The following CACNA1D variants were observed in gnomAD, a reference collection of about 807,000 sequenced individuals.
CACNA1D encodes the protein voltage-dependent L-type calcium channel subunit alpha-1D.
CACNA1D carries 55 observed loss-of-function variants against 257.1 expected under a neutral mutation model. The ratio of observed to expected loss-of-function variants is 0.21; its 90% CI spans 0.17 to 0.27. The LOEUF is 0.27. CACNA1D is among the 10% of genes least tolerant of loss of function. The pLI is 1.00. For synonymous variants in CACNA1D, 980 were observed against 1,014.9 expected, an observed-to-expected ratio of 0.97 and a Z score of 0.65; for missense variants, 1,876 against 2,784.0, an observed-to-expected ratio of 0.67 and a Z score of 7.34.
intron 8 of CACNA1D, among the ~76,000 whole-genome samples, chr3:53,692,795 C>G (rs2094539903): frequency 6.6e-6 from 1 of 152,226 alleles, no homozygotes; most frequent in Non-Finnish European, 1.5e-5. Context: ...CAGTGGCTCA[C>G]GCCTGTTTTC....
Position 53,802,178 on chromosome 3 carries a change from G to T in CACNA1D, c.5435+5G>T. 6.2e-7 allele frequency: 1 copy of T among 1,603,564 alleles called. No individual in the cohort carries two copies. The highest frequency in any genetic ancestry group is 8.5e-7 in the Non-Finnish European group (1 of 1,170,322). On this transcript the variant is annotated splice_donor_5th_base_variant and intron_variant, in intron 43 of 47. Transcript: ENST00000350061. ...CTATTATGAAACTTACATTAGGTAT[G>T]TGCTCATTACCTGTTTTTGTGTTAA...
At chr3:53,637,499 A>G (rs2108170292) in intron 3 of CACNA1D, among the ~76,000 whole-genome samples, 1 of 152,242 alleles carries the variant, frequency 6.6e-6, no homozygotes. Flanking sequence ...TCAAAAGAAG[A>G]GTAGAGATAA....
At chr3:53,642,305 C>T (rs770603249) in intron 3 of CACNA1D, among the ~76,000 whole-genome samples, 11 of 152,154 alleles carry the variant, frequency 7.2e-5, no homozygotes, top group Non-Finnish European at 1.5e-5. Flanking sequence ...TGAATCCAGC[C>T]AACAAAAGAA....
intron 3 of CACNA1D, among the ~76,000 whole-genome samples, chr3:53,569,349 T>C (rs2092903711): frequency 1.3e-5 from 2 of 152,208 alleles, no homozygotes; most frequent in African/African-American, 4.8e-5. Context: ...TTACCACTGC[T>C]CACTGGCTTA....
At chr3:53,726,220 C>T (rs534377956) in intron 14 of CACNA1D, among the ~76,000 whole-genome samples, 1 of 152,332 alleles carries the variant, frequency 6.6e-6, no homozygotes, top group African/African-American at 2.4e-5. Flanking sequence ...AGAGAAGACA[C>T]CTAGTGCTTG....
At position 53,740,886 on chromosome 3, in the gene CACNA1D, T is replaced by G. The variant is rs371893932; in HGVS notation, c.2811+547T>G. 1.6e-4 allele frequency among the ~76,000 whole-genome samples: 24 copies of G among 152,294 alleles called. No individual in the cohort carries two copies. The East Asian group carries it at 4.4e-3, about 28-fold the overall frequency. ...CTCTCTTTTTGTTTCTCTGACTGCA[T>G]TATGCTTTTGGGGACCTAAAATAGT... On this transcript the variant is annotated intron_variant, in intron 21 of 47. Transcript: ENST00000350061.
intron 26 of CACNA1D, chr3:53,749,027 A>G (rs2095199775): frequency 1.6e-6 from 1 of 639,640 alleles, no homozygotes; most frequent in Non-Finnish European, 2.8e-6. Flanking sequence ...AAATCTTTTG[A>G]TTTTCAGTTC....
At chr3:53,699,836 C>T (rs1454527128) in intron 8 of CACNA1D, among the ~76,000 whole-genome samples, 2 of 151,988 alleles carry the variant, frequency 1.3e-5, no homozygotes, top group Non-Finnish European at 2.9e-5. Flanking sequence ...GTTTTTTACT[C>T]CTAGGAATTT....
intron 3 of CACNA1D, among the ~76,000 whole-genome samples, chr3:53,598,072 A>C (rs985994742): frequency 1.3e-5 from 2 of 152,284 alleles, no homozygotes; most frequent in East Asian, 3.9e-4. Flanking sequence ...TTTAGAGGGA[A>C]GCTCTAAAAT....
Position 53,723,919 on chromosome 3 carries a change from G to A in CACNA1D, c.2020G>A (p.Gly674Ser), listed in dbSNP as rs1373253561. 1.9e-6 allele frequency: 3 copies of A among 1,614,088 alleles called. No individual in the cohort carries two copies. Among genetic ancestry groups the A allele is most frequent in the South Asian group, 1.1e-5 (1 of 91,074 alleles). ...CTTGCTTGGGATGCAGCTGTTTGGC[G>A]GCAAGTTTAATTTTGATGAAACGCA... ...FSLLGMQLFG[G>S]KFNFDETQTK... is the part of the protein sequence containing the mutation. The change falls in exon 14 of 48, where the codon GGC (glycine) becomes AGC (serine). Residue 674 changes from glycine to serine, a missense_variant. Gly to Ser is a moderately conservative substitution (Grantham distance 56, BLOSUM62 0). Around this residue, in one of 10 missense-constraint regions of CACNA1D, gnomAD observed 257 missense variants for 399.7 expected, o/e 0.64. Coordinates refer to ENST00000350061, the MANE Select transcript of CACNA1D (RefSeq NM_001128840.3). The surrounding 1 kb of genome is among the most constrained non-coding windows in gnomAD (Gnocchi z 5.6).
chr3:53,666,734 G>A (rs1200053382), intron 7 of CACNA1D, among the ~76,000 whole-genome samples, 199 bp downstream of exon 7: 1 of 152,136 alleles, frequency 6.6e-6, no homozygotes, highest in Admixed American at 6.5e-5. Flanking sequence ...GGAAGCTGCT[G>A]CGCGATGTTG....
chr3:53,504,283 A>AT (rs3841964), intron 3 of CACNA1D, among the ~76,000 whole-genome samples: 50,869 of 151,898 alleles, frequency 0.33, 8,815 homozygotes, highest in Admixed American at 0.43. Context: ...GGAAAGATGC[A>AT]GTTGAGCGAT....
chr3:53,517,290 C>G (rs2091378670), intron 3 of CACNA1D, among the ~76,000 whole-genome samples: 1 of 152,002 alleles, frequency 6.6e-6, no homozygotes, highest in Admixed American at 6.6e-5. Flanking sequence ...AGTGCCACAT[C>G]TGGGACCTAC....
intron 21 of CACNA1D, among the ~76,000 whole-genome samples, chr3:53,741,281 G>A (rs182204417): frequency 6.6e-6 from 1 of 152,322 alleles, no homozygotes; most frequent in East Asian, 1.9e-4. Context: ...AGGAAGACAA[G>A]CTGGGAAATG....
intron 9 of CACNA1D, among the ~76,000 whole-genome samples, chr3:53,706,352 A>C (rs1372727293): frequency 2.0e-5 from 3 of 152,238 alleles, no homozygotes; most frequent in African/African-American, 7.2e-5. Context: ...CACAGGAGGC[A>C]AAGGCTTGGG....
chr3:53,566,243 G>C (rs7612148), intron 3 of CACNA1D, among the ~76,000 whole-genome samples: 91,413 of 151,962 alleles, frequency 0.6, 29,729 homozygotes, highest in African/African-American at 0.87. Context: ...AGTGCCTGCT[G>C]CCCCTTCACC....
At chr3:53,691,164 G>C (rs1460117) in intron 8 of CACNA1D, among the ~76,000 whole-genome samples, 3 of 125,944 alleles carry the variant, frequency 2.4e-5, no homozygotes, top group Non-Finnish European at 3.5e-5. Context: ...TTTTTTTTTG[G>C]GGGGGAGATG....
chr3:53,666,137 A>T (rs1434119617), intron 6 of CACNA1D, among the ~76,000 whole-genome samples: 1 of 150,152 alleles, frequency 6.7e-6, no homozygotes, highest in African/African-American at 2.5e-5. Context: ...GAAAAGAACC[A>T]TGGATGCTGA....
At chr3:53,734,030 A>G (rs201214501) in intron 19 of CACNA1D, among the ~76,000 whole-genome samples, 3,915 of 142,140 alleles carry the variant, frequency 0.028, 74 homozygotes, top group African/African-American at 0.043. Context: ...ATATATATAT[A>G]TATATATATA....
Sources: allele counts gnomAD v4.1 joint callset (sites outside exome capture counted in the v4.1 genomes callset), GRCh38; gene constraint gnomAD v4.1.1; regional missense constraint gnomAD v4.1.1; non-coding constraint Gnocchi (gnomAD v3.1); transcripts MANE v1.5; gene names NCBI Gene and HGNC (gene_info 2026-07-23, HGNC 2026-07-21).